The following TTC39B variants were observed in gnomAD, a reference collection of about 807,000 sequenced individuals.
The protein encoded by TTC39B is tetratricopeptide repeat domain 39B.
In TTC39B, 92 loss-of-function variants were observed where a neutral mutation model predicts 96.6. The ratio of observed to expected loss-of-function variants is 0.95; its 90% CI spans 0.80 to 1.13. The LOEUF is 1.13. Among genes scored for constraint, TTC39B ranks in the 50% most tolerant of loss-of-function variants. The pLI, the probability that TTC39B is intolerant of heterozygous loss-of-function variation, is 0.00. For missense variants in TTC39B, 955 were observed against 809.3 expected (o/e 1.18, Z -2.18); for synonymous variants, 367 against 299.4 (o/e 1.23, Z -2.33).
intron 2 of TTC39B, chr9:15,249,424 C>A (rs1822431893): frequency 6.6e-6 from 1 of 152,664 alleles, no homozygotes; most frequent in South Asian, 2.1e-4. Flanking sequence ...CATGCTATTT[C>A]TGAGGACAAG....
chr9:15,194,598 G>C (rs894001247), intron 8 of TTC39B, among the ~76,000 whole-genome samples: 5 of 152,084 alleles, frequency 3.3e-5, no homozygotes, highest in East Asian at 1.9e-4. Context: ...GAAGATTTGT[G>C]GCAACTCTGT....
chr9:15,248,959 G>A (rs1158068642), intron 2 of TTC39B: 2 of 152,040 alleles, frequency 1.3e-5, no homozygotes, highest in Non-Finnish European at 2.9e-5. Context: ...ACTGATCTCT[G>A]AACATATCAA....
intron 1 of TTC39B, among the ~76,000 whole-genome samples, chr9:15,278,120 G>T (rs1403411409): frequency 1.3e-5 from 2 of 152,144 alleles, no homozygotes; most frequent in Non-Finnish European, 2.9e-5. Context: ...ATGGAGGTGG[G>T]AAAAATGTTC....
chr9:15,282,727 C>T (rs1220575355), intron 1 of TTC39B, among the ~76,000 whole-genome samples: 1 of 152,144 alleles, frequency 6.6e-6, no homozygotes, highest in Non-Finnish European at 1.5e-5. Context: ...TCATACTCTA[C>T]TCAGTTTACA....
chr9:15,209,040 A>G (rs538982164), intron 6 of TTC39B, among the ~76,000 whole-genome samples: 1 of 152,244 alleles, frequency 6.6e-6, no homozygotes, highest in African/African-American at 2.4e-5. Flanking sequence ...TGTGTTCTCT[A>G]GTATGGTATA....
chr9:15,239,389 A>G (rs761227466), intron 2 of TTC39B, among the ~76,000 whole-genome samples: 7 of 152,238 alleles, frequency 4.6e-5, no homozygotes, highest in Non-Finnish European at 1.0e-4. Context: ...TAGTGCTACC[A>G]TTTGAGACAG....
intron 3 of TTC39B, among the ~76,000 whole-genome samples, chr9:15,219,541 C>T (rs1820724089): frequency 6.6e-6 from 1 of 152,178 alleles, no homozygotes; most frequent in Non-Finnish European, 1.5e-5. Context: ...CACCCTTCTC[C>T]CCTGAAGCAG....
intron 2 of TTC39B, among the ~76,000 whole-genome samples, chr9:15,228,184 C>G (rs1223241583): frequency 6.6e-6 from 1 of 152,046 alleles, no homozygotes; most frequent in Non-Finnish European, 1.5e-5. Flanking sequence ...ATAATTGGGA[C>G]TGGGCACGCT....
At chr9:15,166,570 T>A (rs985868219) in exon 20 of TTC39B, 2 of 152,186 alleles carry the variant, frequency 1.3e-5, no homozygotes, top group East Asian at 3.9e-4. Flanking sequence ...ATAAAAGATA[T>A]CTTCCCTGAT....
exon 20 of TTC39B, chr9:15,166,194 G>A (rs1564299150): frequency 1.3e-5 from 2 of 152,134 alleles, no homozygotes; most frequent in Non-Finnish European, 2.9e-5. Context: ...ACATAATGAA[G>A]TTTGTTATTA....
Position 15,262,247 on chromosome 9 carries a change from C to T in TTC39B, c.275+5667G>A, listed in dbSNP as rs201970171. ...CTGAGTAGCTGGAATTACAGGCATGCGCCACAAAGCCCAGCTAATTTTTGT... is the reference window on the plus strand; with the variant it reads ...CTGAGTAGCTGGAATTACAGGCATGTGCCACAAAGCCCAGCTAATTTTTGT... On this transcript the variant is annotated intron_variant, in intron 2 of 19. Coordinates refer to ENST00000512701, the Ensembl canonical transcript of TTC39B. Among the ~76,000 whole-genome samples, 17 of 152,202 alleles carry T rather than the reference C, an allele frequency of 1.1e-4. No homozygotes were observed. In the East Asian group the frequency reaches 3.1e-3, roughly 28 times the overall value.
chr9:15,208,477 C>T (rs1205876633), intron 6 of TTC39B, among the ~76,000 whole-genome samples: 1 of 152,092 alleles, frequency 6.6e-6, no homozygotes, highest in Non-Finnish European at 1.5e-5. Context: ...GAGAGAGTAA[C>T]AGAAAGGAGA....
chr9:15,294,725 T>C (rs973659796), intron 1 of TTC39B, among the ~76,000 whole-genome samples: 3 of 152,174 alleles, frequency 2.0e-5, no homozygotes, highest in African/African-American at 7.2e-5. Context: ...TTATTTATCC[T>C]ACAGGACTCC....
chr9:15,204,565 TA>T (rs1486991881), intron 6 of TTC39B, among the ~76,000 whole-genome samples: 1 of 151,976 alleles, frequency 6.6e-6, no homozygotes, highest in African/African-American at 2.4e-5. Context: ...CACACAGTTT[TA>T]AAAGTTGAAA....
chr9:15,177,760 C>T (rs773246718), exon 18 of TTC39B: 2 of 1,612,932 alleles, frequency 1.2e-6, no homozygotes, highest in Non-Finnish European at 1.7e-6. Flanking sequence ...CTTGAGGCAA[C>T]ATCCTTTAAG....
intron 1 of TTC39B, among the ~76,000 whole-genome samples, chr9:15,292,004 G>T (rs1176822618): frequency 6.6e-6 from 1 of 152,238 alleles, no homozygotes; most frequent in Non-Finnish European, 1.5e-5. Context: ...TGGTGCCTCA[G>T]TGCCTGGCAC....
chr9:15,199,978 G>T, intron 7 of TTC39B, 53 bp from the exon 8 acceptor site: 1 of 1,027,704 alleles, frequency 9.7e-7, no homozygotes, highest in Non-Finnish European at 1.5e-6. Flanking sequence ...ATTTTAAATT[G>T]TCCCCACAGT....
At chr9:15,184,887 C>G (rs112957091) in intron 16 of TTC39B, among the ~76,000 whole-genome samples, 2,233 of 152,258 alleles carry the variant, frequency 0.015, 60 homozygotes, top group African/African-American at 0.051. Context: ...TCTATTTCCT[C>G]TTACTTTTTT....
intron 2 of TTC39B, among the ~76,000 whole-genome samples, chr9:15,236,827 C>T (rs1193879488): frequency 1.3e-5 from 2 of 152,118 alleles, no homozygotes; most frequent in Non-Finnish European, 2.9e-5. Context: ...AAAAGCAGTG[C>T]TAAGCGGAAA....
Sources: gnomAD v4.1 joint callset for allele counts (sites outside exome capture counted in the v4.1 genomes callset) on GRCh38, gnomAD v4.1.1 for gene constraint, MANE v1.5 for transcripts, NCBI Gene and HGNC (gene_info 2026-07-23, HGNC 2026-07-21) for gene names.